Variants in FOXP2 observed in about 807,000 individuals in gnomAD.
FOXP2 encodes forkhead box protein P2.
In FOXP2, 12 loss-of-function variants were observed where a neutral mutation model predicts 115.8. The ratio of observed to expected loss-of-function variants is 0.10; its 90% confidence interval spans 0.07 to 0.17. The LOEUF is 0.17. Ranked by LOEUF, FOXP2 falls within the 10% of genes least tolerant of loss-of-function variation. The pLI is 1.00. For synonymous variants in FOXP2, 328 were observed against 297.7 expected, an observed-to-expected ratio of 1.10 and a Z score of -1.05; for missense variants, 629 against 843.5, an observed-to-expected ratio of 0.75 and a Z score of 3.15.
At chr7:114,220,152 G>A (rs1285974275) in intron 1 of FOXP2, among the ~76,000 whole-genome samples, 6 of 151,070 alleles carry the variant, frequency 4.0e-5, no homozygotes, top group Non-Finnish European at 7.4e-5. Flanking sequence ...TAGAGCCACC[G>A]TTCCTGGCCC....
intron 2 of FOXP2, among the ~76,000 whole-genome samples, chr7:114,446,957 C>T (rs1652268112): frequency 6.6e-6 from 1 of 151,868 alleles, no homozygotes; most frequent in Non-Finnish European, 1.5e-5. Context: ...ACCATGTTGG[C>T]CAGGCTGATC....
chr7:114,587,323 C>T (rs148228626), intron 3 of FOXP2, among the ~76,000 whole-genome samples: 52 of 152,092 alleles, frequency 3.4e-4, no homozygotes, highest in Non-Finnish European at 6.8e-4. Flanking sequence ...TGAGAACATG[C>T]AGTGTTTGGT....
chr7:114,349,814 A>T (rs1791437822), intron 2 of FOXP2, among the ~76,000 whole-genome samples: 1 of 152,086 alleles, frequency 6.6e-6, no homozygotes, highest in African/African-American at 2.4e-5. Flanking sequence ...TAAGTCAATT[A>T]GTGTCTAAAG....
At chr7:114,620,019 T>G (rs566972986) in intron 3 of FOXP2, among the ~76,000 whole-genome samples, 4 of 152,162 alleles carry the variant, frequency 2.6e-5, no homozygotes, top group Admixed American at 2.6e-4. Flanking sequence ...GAAAACTGTC[T>G]CTGATACACT....
At chr7:114,471,074 G>A (rs1338190382) in intron 2 of FOXP2, among the ~76,000 whole-genome samples, 1 of 151,986 alleles carries the variant, frequency 6.6e-6, no homozygotes, top group Non-Finnish European at 1.5e-5. Context: ...TTTACTTGTT[G>A]TAGCATTTTC....
At chr7:114,644,919 G>T (rs188322711) in intron 8 of FOXP2, 130 bp downstream of exon 8, 2 of 701,360 alleles carry the variant, frequency 2.9e-6, no homozygotes, top group South Asian at 1.7e-5. Flanking sequence ...CAAGATTTTT[G>T]TGGGTTCCAA....
chr7:114,416,577 C>T (rs949288307), intron 1 of FOXP2: 1 of 150,444 alleles, frequency 6.6e-6, no homozygotes, highest in African/African-American at 2.4e-5. Context: ...TCACTTTCAC[C>T]GTCAATAGTG....
chr7:114,143,789 G>A (rs929561424), intron 1 of FOXP2, among the ~76,000 whole-genome samples: 42 of 151,766 alleles, frequency 2.8e-4, no homozygotes, highest in African/African-American at 9.0e-4. Context: ...AGCATTCATC[G>A]TGTACCACAA....
rs575618111 is a variant in FOXP2 at position 114,617,495 on chromosome 7, C to G, written c.259-11045C>G. On this transcript the variant is annotated intron_variant, in intron 3 of 16. Coordinates refer to ENST00000350908, the MANE Select transcript of FOXP2 (RefSeq NM_014491.4). Reference sequence around the variant, plus strand: ...TAGGATCTCCATGTTTCCCTACTCTCTAATCCAGAAATGCTTGGCTGGGCG... The same window carrying G: ...TAGGATCTCCATGTTTCCCTACTCTGTAATCCAGAAATGCTTGGCTGGGCG... Among the ~76,000 whole-genome samples the G allele has an allele frequency of 3.9e-5, 6 of 151,952 alleles. No individual in the cohort carries two copies. The East Asian group carries it at 5.8e-4, about 15-fold the overall frequency.
At chr7:114,485,759 T>C (rs1796746114) in intron 2 of FOXP2, among the ~76,000 whole-genome samples, 1 of 152,124 alleles carries the variant, frequency 6.6e-6, no homozygotes, top group South Asian at 2.1e-4. Flanking sequence ...CCCTTTGAGA[T>C]GAGTACTGTT....
chr7:114,690,826 A>T lies in FOXP2; in HGVS notation c.*900A>T. On this transcript the variant is annotated 3_prime_UTR_variant, in exon 17 of 17. Transcript: ENST00000350908. ...GCTTTGGTCAGCCTTCTGTAACTTC[A>T]ATTAGTACAAAGGAACCTTTTCCAT... 1 of 454,522 alleles carries T rather than the reference A, an allele frequency of 2.2e-6. No homozygotes were observed. The highest frequency in any genetic ancestry group is 4.4e-6 in the Non-Finnish European group (1 of 226,780). 28.2% of individuals were successfully genotyped at this position (454,522 alleles called of 1,614,324 possible).
chr7:114,381,706 T>C (rs1034077170), intron 2 of FOXP2, among the ~76,000 whole-genome samples: 1 of 152,160 alleles, frequency 6.6e-6, no homozygotes, highest in Non-Finnish European at 1.5e-5. Context: ...TCCTGAGATC[T>C]TGCACTAACC....
At chr7:114,400,880 G>A (rs1022848679) in intron 2 of FOXP2, among the ~76,000 whole-genome samples, 2 of 152,076 alleles carry the variant, frequency 1.3e-5, no homozygotes, top group Admixed American at 1.3e-4. Context: ...TGCAGTAGGG[G>A]AGCAAGATTG....
At chr7:114,147,547 G>T (rs888406889) in intron 1 of FOXP2, among the ~76,000 whole-genome samples, 3 of 151,968 alleles carry the variant, frequency 2.0e-5, no homozygotes, top group African/African-American at 7.3e-5. Context: ...GCACCAAAAG[G>T]CTCCTCCAAA....
At chr7:114,314,081 A>G (rs183013267) in intron 2 of FOXP2, among the ~76,000 whole-genome samples, 4 of 152,058 alleles carry the variant, frequency 2.6e-5, no homozygotes, top group Admixed American at 1.3e-4. Flanking sequence ...TGGAAAATAC[A>G]TGCTATTATG....
Position 114,119,544 on chromosome 7 carries a change from C to T in FOXP2, c.-247+31706C>T, listed in dbSNP as rs376135693. ...TTGCTTGAGCCCAGGAGTTTGAGAC[C>T]AGCCTAAAAAAAATTAAAAATTTGG... On this transcript the variant is annotated intron_variant, in intron 1 of 19. Coordinates refer to the FOXP2 transcript ENST00000635638. 5.9e-5 allele frequency among the ~76,000 whole-genome samples: 9 copies of T among 151,638 alleles called. No individual in the cohort carries two copies. The East Asian group carries it at 1.6e-3, about 26-fold the overall frequency.
chr7:114,605,592 C>T (rs6953053), intron 3 of FOXP2, among the ~76,000 whole-genome samples: 19,843 of 152,172 alleles, frequency 0.13, 1,574 homozygotes, highest in African/African-American at 0.22. Context: ...CTGTGGATCA[C>T]TGCATAGAGG....
intron 2 of FOXP2, among the ~76,000 whole-genome samples, chr7:114,339,241 A>G (rs992440107): frequency 6.0e-5 from 9 of 151,200 alleles, no homozygotes; most frequent in African/African-American, 1.9e-4. Flanking sequence ...AACTAAGAGC[A>G]TGATTTTGTC....
chr7:114,606,047 C>A (rs920091819), intron 3 of FOXP2, among the ~76,000 whole-genome samples: 1 of 151,984 alleles, frequency 6.6e-6, no homozygotes, highest in Non-Finnish European at 1.5e-5. Flanking sequence ...TATAAATGAC[C>A]AAGAAGGCGT....
Sources: gnomAD v4.1 joint callset for allele counts (sites outside exome capture counted in the v4.1 genomes callset) on GRCh38, gnomAD v4.1.1 for gene constraint, MANE v1.5 for transcripts, NCBI Gene and HGNC (gene_info 2026-07-23, HGNC 2026-07-21) for gene names.